CCDC102B: variants seen among roughly 807,000 people sequenced by gnomAD.
CCDC102B encodes coiled-coil domain-containing protein 102B.
Under a neutral mutation model 57.4 loss-of-function variants are expected in CCDC102B, and 75 were observed. That is an observed-to-expected ratio of 1.31 (90% confidence interval 1.08 to 1.58). CCDC102B has a LOEUF of 1.58. Among genes scored for constraint, CCDC102B ranks in the 40% most tolerant of loss-of-function variants. The probability of loss-of-function intolerance (pLI) is 0.00; values close to 1 mark genes in which losing one functional copy is unlikely to be tolerated. For synonymous variants in CCDC102B, 206 were observed against 201.9 expected (o/e 1.02, Z -0.17); for missense variants, 636 against 582.6 (o/e 1.09, Z -0.94).
intron 1 of CCDC102B, among the ~76,000 whole-genome samples, chr18:68,819,414 T>C (rs1275283795): frequency 6.6e-6 from 1 of 152,066 alleles, no homozygotes; most frequent in Non-Finnish European, 1.5e-5. Context: ...GTTCGGACTC[T>C]TAATTCTCTT....
At position 68,944,404 on chromosome 18, in the gene CCDC102B, G is replaced by A. The variant is rs150875091; in HGVS notation, c.1263+46976G>A. On this transcript the variant is annotated intron_variant, in intron 6 of 7. Transcript: ENST00000360242. ...AAAACAACAGAAATATATTTCTCAC[G>A]TTTCCAGAGGCTGGGAAGTAAGTCC... Among the ~76,000 whole-genome samples the A allele has an allele frequency of 7.6e-3, 1,159 of 152,180 alleles. 5 individuals carry two copies. Among genetic ancestry groups the A allele is most frequent in the Non-Finnish European group, 0.013 (884 of 67,994 alleles).
intron 6 of CCDC102B, among the ~76,000 whole-genome samples, chr18:68,941,327 C>T (rs959011242): frequency 6.6e-6 from 1 of 151,630 alleles, no homozygotes; most frequent in Non-Finnish European, 1.5e-5. Context: ...TAAATCATAG[C>T]ACAATTTAGG....
At chr18:68,845,828 A>G (rs939463339) in intron 3 of CCDC102B, among the ~76,000 whole-genome samples, 1 of 151,854 alleles carries the variant, frequency 6.6e-6, no homozygotes, top group Non-Finnish European at 1.5e-5. Context: ...CAAATTTGAA[A>G]TATTTAAAAT....
chr18:68,851,167 T>C lies in CCDC102B; in HGVS notation c.936+4746T>C, dbSNP rs139283316. Among the ~76,000 whole-genome samples, 469 of 152,332 alleles carry C rather than the reference T, an allele frequency of 3.1e-3. 3 individuals are homozygous for C. Among genetic ancestry groups the C allele is most frequent in the African/African-American group, 0.011 (455 of 41,574 alleles). ...GTACTAACACTTCTCTTAATAGCTA[T>C]AAATGCTTACCTTTCTAAACAGAGG... is the stretch of plus-strand genomic sequence containing the variant. On this transcript the variant is annotated intron_variant, in intron 4 of 7. Transcript: ENST00000360242.
chr18:68,731,434 T>C (rs2032858315), intron 2 of CCDC102B, among the ~76,000 whole-genome samples: 1 of 152,058 alleles, frequency 6.6e-6, no homozygotes, highest in South Asian at 2.1e-4. Flanking sequence ...CACTCCCTTA[T>C]CCTTTCCTTC....
At chr18:68,729,843 A>G (rs2032777692) in intron 2 of CCDC102B, among the ~76,000 whole-genome samples, 1 of 152,198 alleles carries the variant, frequency 6.6e-6, no homozygotes. Flanking sequence ...CAAGCAACAG[A>G]ATTGGAATTG....
At chr18:68,785,646 A>C (rs950383435) in intron 2 of CCDC102B, among the ~76,000 whole-genome samples, 1 of 148,796 alleles carries the variant, frequency 6.7e-6, no homozygotes, top group Non-Finnish European at 1.5e-5. Flanking sequence ...GTGTCTGTTC[A>C]TGTCCTTCGC....
At chr18:68,854,426 TA>T (rs755113733) in intron 4 of CCDC102B, among the ~76,000 whole-genome samples, 18 of 152,166 alleles carry the variant, frequency 1.2e-4, no homozygotes, top group Non-Finnish European at 2.4e-4. Context: ...ACAATACATA[TA>T]AAAATCATTT....
At chr18:68,987,208 G>T (rs1388209352) in intron 6 of CCDC102B, among the ~76,000 whole-genome samples, 1 of 152,110 alleles carries the variant, frequency 6.6e-6, no homozygotes, top group Non-Finnish European at 1.5e-5. Context: ...GCATGGTACT[G>T]GTTAGAAAAC....
chr18:69,003,952 G>T (rs756977367), intron 6 of CCDC102B, among the ~76,000 whole-genome samples: 1 of 152,082 alleles, frequency 6.6e-6, no homozygotes, highest in Non-Finnish European at 1.5e-5. Context: ...TCCAAAATTT[G>T]ATTTTCAATC....
At chr18:68,964,401 G>GT (rs59142595) in intron 6 of CCDC102B, among the ~76,000 whole-genome samples, 564 of 143,976 alleles carry the variant, frequency 3.9e-3, no homozygotes, top group African/African-American at 0.012. Context: ...AAAGTTCAGG[G>GT]TTTTTTTTTT....
chr18:68,815,331 A>T (rs2036430569), intron 1 of CCDC102B, among the ~76,000 whole-genome samples: 2 of 152,220 alleles, frequency 1.3e-5, no homozygotes, highest in Admixed American at 1.3e-4. Flanking sequence ...ATCACTTGTT[A>T]TGGCCCAATG....
chr18:68,842,586 C>CT (rs1462564588), intron 3 of CCDC102B, among the ~76,000 whole-genome samples: 1 of 152,068 alleles, frequency 6.6e-6, no homozygotes, highest in African/African-American at 2.4e-5. Context: ...TACCGCAAGG[C>CT]AATAGACAGC....
intron 1 of CCDC102B, among the ~76,000 whole-genome samples, chr18:68,826,529 T>C (rs1455595676): frequency 6.6e-6 from 1 of 152,116 alleles, no homozygotes; most frequent in Non-Finnish European, 1.5e-5. Flanking sequence ...TAACATATTA[T>C]ACGTTAGAAG....
At chr18:68,913,420 G>A (rs2040949744) in intron 6 of CCDC102B, among the ~76,000 whole-genome samples, 1 of 151,374 alleles carries the variant, frequency 6.6e-6, no homozygotes, top group Non-Finnish European at 1.5e-5. Context: ...GCTGAGGTGG[G>A]CAGATCACCT....
At chr18:68,738,368 C>A (rs2033238497) in intron 2 of CCDC102B, among the ~76,000 whole-genome samples, 1 of 152,140 alleles carries the variant, frequency 6.6e-6, no homozygotes, top group Non-Finnish European at 1.5e-5. Context: ...TGAGATATTG[C>A]AGACAGGAAA....
rs150454880 is a variant in CCDC102B at position 69,002,493 on chromosome 18, A to T, written c.1264-8441A>T. On this transcript the variant is annotated intron_variant, in intron 6 of 7. Coordinates refer to ENST00000360242, the MANE Select transcript of CCDC102B (RefSeq NM_024781.3). ...AATAATGCAGGCAACCACAGTTCTC[A>T]ACACAGAAATATGAACCCAGTCCTT... Among the ~76,000 whole-genome samples, 382 of 152,156 alleles carry T rather than the reference A, an allele frequency of 2.5e-3. 2 individuals carry two copies. Among genetic ancestry groups the T allele is most frequent in the Middle Eastern group, 6.8e-3 (2 of 292 alleles).
chr18:68,824,939 AAATAT>A (rs2036847237), intron 1 of CCDC102B, among the ~76,000 whole-genome samples: 1 of 152,210 alleles, frequency 6.6e-6, no homozygotes, highest in South Asian at 2.1e-4. Flanking sequence ...ATAGAGAGAT[AAATAT>A]ATATGTACCT....
At chr18:68,992,269 T>C (rs1266032698) in intron 6 of CCDC102B, among the ~76,000 whole-genome samples, 1 of 152,162 alleles carries the variant, frequency 6.6e-6, no homozygotes, top group Non-Finnish European at 1.5e-5. Context: ...TGTTCATTCA[T>C]ACAGGTGATA....
Sources: gnomAD v4.1 joint callset for allele counts (sites outside exome capture counted in the v4.1 genomes callset) on GRCh38, gnomAD v4.1.1 for gene constraint, MANE v1.5 for transcripts, NCBI Gene and HGNC (gene_info 2026-07-23, HGNC 2026-07-21) for gene names.